The following ITPR1 variants were observed in gnomAD, a reference collection of about 807,000 sequenced individuals.
ITPR1 encodes inositol 1,4,5-trisphosphate receptor type 1.
Under a neutral mutation model 318.4 loss-of-function variants are expected in ITPR1, and 96 were observed. That is an observed-to-expected ratio of 0.30 (90% confidence interval 0.26 to 0.36). ITPR1 has a LOEUF of 0.36. Among genes scored for constraint, ITPR1 ranks in the 10% least tolerant of loss-of-function variants. The pLI, the probability that ITPR1 is intolerant of heterozygous loss-of-function variation, is 1.00. For synonymous variants in ITPR1, 1,312 were observed against 1,289.9 expected (o/e 1.02, Z -0.37); for missense variants, 2,440 against 3,460.2 (o/e 0.71, Z 7.40).
At chr3:4,612,595 G>C (rs1444008467) in intron 4 of ITPR1, among the ~76,000 whole-genome samples, 1 of 151,774 alleles carries the variant, frequency 6.6e-6, no homozygotes, top group South Asian at 2.1e-4. Context: ...TTTTAAAACT[G>C]CTGCTTATTG....
chr3:4,664,835 G>A (rs571891096), intron 16 of ITPR1, among the ~76,000 whole-genome samples: 1 of 152,324 alleles, frequency 6.6e-6, no homozygotes, highest in African/African-American at 2.4e-5. Context: ...TACTGCTAGG[G>A]AGTAATAAAG....
chr3:4,503,195 C>T (rs1473529986), intron 2 of ITPR1, among the ~76,000 whole-genome samples: 1 of 152,118 alleles, frequency 6.6e-6, no homozygotes, highest in Non-Finnish European at 1.5e-5. Flanking sequence ...CAGTACAAAT[C>T]TCTGCAGGAC....
intron 24 of ITPR1, 107 bp downstream of exon 24, chr3:4,676,908 G>C (rs528419764): frequency 2.1e-5 from 17 of 803,788 alleles, no homozygotes; most frequent in Middle Eastern, 3.7e-4. Context: ...AAGAAAATGG[G>C]GGCAAATCCT....
At chr3:4,798,948 C>A (rs1270758830) in intron 53 of ITPR1, among the ~76,000 whole-genome samples, 1 of 152,148 alleles carries the variant, frequency 6.6e-6, no homozygotes, top group Non-Finnish European at 1.5e-5. Context: ...CAAGGCATCA[C>A]CTGCAAAGAG....
chr3:4,527,258 C>G (rs2083058043), intron 4 of ITPR1, among the ~76,000 whole-genome samples: 2 of 152,192 alleles, frequency 1.3e-5, no homozygotes, highest in Non-Finnish European at 2.9e-5. Context: ...CTCACTGCAG[C>G]CTCGACCTTC....
At chr3:4,569,471 C>T (rs771516026) in intron 4 of ITPR1, among the ~76,000 whole-genome samples, 4 of 152,244 alleles carry the variant, frequency 2.6e-5, no homozygotes, top group South Asian at 2.1e-4. Flanking sequence ...GAATATTGAG[C>T]GTCAACAAAC....
At chr3:4,641,994 G>GCTACAT in intron 6 of ITPR1, 99 bp from the exon 7 acceptor site, 1 of 923,204 alleles carries the variant, frequency 1.1e-6, no homozygotes, top group East Asian at 2.8e-5. Context: ...GCTCAATGGT[G>GCTACAT]GGAGGAATGT....
intron 4 of ITPR1, among the ~76,000 whole-genome samples, chr3:4,528,046 C>T (rs775632525): frequency 1.4e-4 from 22 of 152,182 alleles, no homozygotes; most frequent in Non-Finnish European, 2.9e-4. Context: ...CTTCTCTGAT[C>T]TTGGTCTTGC....
chr3:4,539,567 A>G (rs1238220321), intron 4 of ITPR1, among the ~76,000 whole-genome samples: 8 of 152,204 alleles, frequency 5.3e-5, no homozygotes, highest in Non-Finnish European at 7.3e-5. Flanking sequence ...TAAAACTCAT[A>G]GAACTGTATA....
chr3:4,605,058 G>A (rs1217098458), intron 4 of ITPR1, among the ~76,000 whole-genome samples: 2 of 151,942 alleles, frequency 1.3e-5, no homozygotes, highest in Non-Finnish European at 2.9e-5. Flanking sequence ...TGCAACCTCC[G>A]CCTCCCAGGC....
intron 29 of ITPR1, 34 bp downstream of exon 29, chr3:4,684,380 T>A (rs1162212436): frequency 8.8e-6 from 13 of 1,482,262 alleles, no homozygotes; most frequent in Non-Finnish European, 1.2e-5. Context: ...TTTTCCTTTC[T>A]TTATGAATTC....
chr3:4,625,713 C>T lies in ITPR1; in HGVS notation c.164-2050C>T, dbSNP rs9873874. On this transcript the variant is annotated intron_variant, in intron 4 of 61. Coordinates refer to ENST00000649015, the MANE Select transcript of ITPR1 (RefSeq NM_001378452.1). ...CTGGGACTACAGGCGCCCGCCACCA[C>T]GCCCGGCTAATTTTTTGTATTTTTT... is the stretch of plus-strand genomic sequence containing the variant. 1.8e-3 allele frequency among the ~76,000 whole-genome samples: 273 copies of T among 152,126 alleles called. 2 individuals are homozygous for T. The highest frequency in any genetic ancestry group is 6.2e-3 in the African/African-American group (259 of 41,510).
Position 4,642,495 on chromosome 3 carries a change from G to A in ITPR1, c.525+244G>A, listed in dbSNP as rs548700265. 8.5e-5 allele frequency among the ~76,000 whole-genome samples: 13 copies of A among 152,296 alleles called. No individual in the cohort carries two copies. In the East Asian group the frequency reaches 2.1e-3, roughly 25 times the overall value. On this transcript the variant is annotated intron_variant, in intron 7 of 61. Coordinates refer to ENST00000649015, the MANE Select transcript of ITPR1 (RefSeq NM_001378452.1). ...AAACATTGTATGAACAGCCCATTGC[G>A]TTAGGAACTTTACCACAAAAACAGC...
intron 5 of ITPR1, among the ~76,000 whole-genome samples, chr3:4,630,077 TA>T (rs1305966067): frequency 6.6e-6 from 1 of 152,162 alleles, no homozygotes; most frequent in African/African-American, 2.4e-5. Flanking sequence ...ATACCAATTT[TA>T]AAAAATTATA....
At position 4,625,242 on chromosome 3, in the gene ITPR1, A is replaced by C. The variant is rs1224485570; in HGVS notation, c.164-2521A>C. Among the ~76,000 whole-genome samples, 5 of 149,236 alleles carry C rather than the reference A, an allele frequency of 3.4e-5. No individual in the cohort carries two copies. In the East Asian group the frequency reaches 9.7e-4, roughly 29 times the overall value. ...ATCTTTTTTTTTTTTTTTTCTGAACAGTCTCAGGTATTTGTGTATGCAGTA... is the reference window on the plus strand; with the variant it reads ...ATCTTTTTTTTTTTTTTTTCTGAACCGTCTCAGGTATTTGTGTATGCAGTA... On this transcript the variant is annotated intron_variant, in intron 4 of 61. Coordinates refer to ENST00000649015, the MANE Select transcript of ITPR1 (RefSeq NM_001378452.1).
At chr3:4,806,463 A>C (rs2048560991) in intron 55 of ITPR1, among the ~76,000 whole-genome samples, 196 bp downstream of exon 55, 1 of 152,198 alleles carries the variant, frequency 6.6e-6, no homozygotes, top group Admixed American at 6.5e-5. Context: ...CAGGAATTCA[A>C]GAGTCACACA....
chr3:4,510,365 T>C (rs1204167515), intron 2 of ITPR1, among the ~76,000 whole-genome samples: 7 of 152,198 alleles, frequency 4.6e-5, no homozygotes, highest in Non-Finnish European at 1.5e-5. Flanking sequence ...TAAAATATCA[T>C]GCTGGATGTT....
At chr3:4,530,551 A>G (rs2083330019) in intron 4 of ITPR1, among the ~76,000 whole-genome samples, 2 of 152,224 alleles carry the variant, frequency 1.3e-5, no homozygotes, top group South Asian at 4.1e-4. Context: ...TGAGAGGCCA[A>G]GGCGGGAGGA....
chr3:4,776,726 A>G (rs1276496663), intron 47 of ITPR1, among the ~76,000 whole-genome samples: 8 of 152,224 alleles, frequency 5.3e-5, no homozygotes, highest in African/African-American at 1.9e-4. Flanking sequence ...TATTACCTCA[A>G]GTTTGCTTCT....
Sources: gnomAD v4.1 joint callset for allele counts (sites outside exome capture counted in the v4.1 genomes callset) on GRCh38, gnomAD v4.1.1 for gene constraint, MANE v1.5 for transcripts, NCBI Gene and HGNC (gene_info 2026-07-23, HGNC 2026-07-21) for gene names.